MATN2: variants seen among roughly 807,000 people sequenced by gnomAD.
MATN2 encodes matrilin 2, also known as matrilin-2.
MATN2 carries 69 observed loss-of-function variants against 103.2 expected under a neutral mutation model. The ratio of observed to expected loss-of-function variants is 0.67; its 90% CI spans 0.55 to 0.82. The LOEUF (loss-of-function observed/expected upper bound fraction) is 0.82. MATN2 is among the 40% of genes least tolerant of loss of function. The pLI is 0.00. For synonymous variants in MATN2, 429 were observed against 450.2 expected (o/e 0.95, Z 0.60); for missense variants, 1,023 against 1,211.5 (o/e 0.84, Z 2.31).
Position 97,959,281 on chromosome 8 carries a change from C to T in MATN2, c.836-2127C>T, listed in dbSNP as rs941808602. On this transcript the variant is annotated intron_variant, in intron 4 of 18. Coordinates refer to ENST00000254898, the MANE Select transcript of MATN2 (RefSeq NM_002380.5). ...TTAACTCCTAGTAGGATACAAGCTG[C>T]GTGACAGCAGAAACCCCTTGTCTGT... Among the ~76,000 whole-genome samples the T allele has an allele frequency of 4.6e-5, 7 of 152,290 alleles. 1 individual carries two copies. The highest frequency in any genetic ancestry group is 2.1e-4 in the South Asian group (1 of 4,826).
At chr8:97,954,995 A>G (rs1255365822) in intron 4 of MATN2, among the ~76,000 whole-genome samples, 2 of 152,192 alleles carry the variant, frequency 1.3e-5, no homozygotes, top group African/African-American at 4.8e-5. Flanking sequence ...GGTAGGGGAA[A>G]AGGAGGTCAG....
intron 5 of MATN2, among the ~76,000 whole-genome samples, chr8:97,969,928 G>C (rs984584378): frequency 8.5e-5 from 13 of 152,318 alleles, no homozygotes; most frequent in Admixed American, 5.2e-4. Context: ...AAAGAAATTT[G>C]GTAGAAGTTA....
rs1813006370 is a variant in MATN2, at chr8:98,007,274, G to A, written c.1450+47G>A. The stretch of plus-strand genomic sequence containing the variant: ...TCATAGGGGAAGGTTTGCACCAGGA[G>A]TGAAACCTATGTGACTGCAGAGGGC... On this transcript the variant is annotated intron_variant, in intron 9 of 18. Transcript: ENST00000254898. This position sits in a 1 kb window ranked among gnomAD's most constrained non-coding sequence, Gnocchi z 4.2. 3 of 1,611,262 alleles carry A rather than the reference G, an allele frequency of 1.9e-6. No individual in the cohort carries two copies. Among genetic ancestry groups the A allele is most frequent in the African/African-American group, 1.3e-5 (1 of 75,000 alleles).
intron 3 of MATN2, among the ~76,000 whole-genome samples, chr8:97,939,841 C>T (rs150838228): frequency 7.3e-4 from 111 of 152,286 alleles, no homozygotes; most frequent in African/African-American, 2.6e-3. Context: ...AGTTTGATAT[C>T]TCTGAAACTG....
intron 4 of MATN2, among the ~76,000 whole-genome samples, chr8:97,942,461 A>G (rs1462972989): frequency 6.6e-6 from 1 of 152,232 alleles, no homozygotes; most frequent in African/African-American, 2.4e-5. Flanking sequence ...GCTAAGTGCC[A>G]AAGACTAGAC....
In MATN2 at chr8:97,946,359, A is replaced by T. The variant is rs555262376; in HGVS notation, c.835+4460A>T. Among the ~76,000 whole-genome samples the T allele has an allele frequency of 2.0e-5, 3 of 152,354 alleles. No individual in the cohort carries two copies. In the South Asian group the frequency reaches 6.2e-4, roughly 32 times the overall value. On this transcript the variant is annotated intron_variant, in intron 4 of 18. Coordinates refer to ENST00000254898, the MANE Select transcript of MATN2 (RefSeq NM_002380.5). ...TGTGTCTATATGGGCAATTTTGAAC[A>T]TACTGGACCTCAACATTGTGGATTC...
At chr8:97,994,376 T>C (rs1174554465) in intron 6 of MATN2, 104 bp from the exon 7 acceptor site, 1 of 1,256,950 alleles carries the variant, frequency 8.0e-7, no homozygotes, top group Non-Finnish European at 1.1e-6. Context: ...CTTTGAGGTG[T>C]GGGATTTTAC....
At chr8:97,912,093 C>A (rs1390307165) in intron 2 of MATN2, among the ~76,000 whole-genome samples, 1 of 152,238 alleles carries the variant, frequency 6.6e-6, no homozygotes, top group Non-Finnish European at 1.5e-5. Context: ...TGCCCCGTTA[C>A]ACTGCACGAC....
chr8:98,027,283 C>A, intron 13 of MATN2, 133 bp from the exon 14 acceptor site: 1 of 672,708 alleles, frequency 1.5e-6, no homozygotes. Flanking sequence ...ACTCATCTAT[C>A]CTGTGTATTA....
In MATN2 at chr8:98,007,628, C is replaced by T; in HGVS notation, c.1573+27C>T. The T allele has an allele frequency of 6.3e-7, 1 of 1,594,112 alleles. No individual in the cohort carries two copies. Among genetic ancestry groups the T allele is most frequent in the Non-Finnish European group, 8.6e-7 (1 of 1,164,118 alleles). On this transcript the variant is annotated intron_variant, in intron 10 of 18. Coordinates refer to ENST00000254898, the MANE Select transcript of MATN2 (RefSeq NM_002380.5). The surrounding 1 kb of genome is among the most constrained non-coding windows in gnomAD (Gnocchi z 4.2). ...TAAGTGTCTGAAGGACAAGCAGGAC[C>T]TGCACAGGTGTTCCGTGGGTGCCGG... is the stretch of plus-strand genomic sequence containing the variant.
chr8:97,991,149 C>A (rs1044415765), intron 6 of MATN2, among the ~76,000 whole-genome samples: 5 of 152,202 alleles, frequency 3.3e-5, no homozygotes, highest in African/African-American at 1.2e-4. Flanking sequence ...GATGGAAATT[C>A]TCTGTTTGCA....
intron 17 of MATN2, 60 bp from the exon 18 acceptor site, chr8:98,033,501 T>C: frequency 2.3e-6 from 2 of 865,738 alleles, no homozygotes; most frequent in Non-Finnish European, 3.6e-6. Context: ...ATTCCTATTA[T>C]TATGCGTCTG....
At chr8:97,903,480 C>T (rs768465143) in intron 2 of MATN2, among the ~76,000 whole-genome samples, 12 of 152,132 alleles carry the variant, frequency 7.9e-5, no homozygotes, top group Non-Finnish European at 1.6e-4. Flanking sequence ...TTTGTCTGCA[C>T]ATGATAGACA....
chr8:98,032,300 C>T lies in MATN2; in HGVS notation c.2564C>T (p.Thr855Met), dbSNP rs2255317. The stretch of plus-strand genomic sequence containing the variant: ...TCTCCAGCAGGGGAACTGCCAAAAA[C>T]GGTCCAACAGCCAACAGGTACAGTT... ...QDSPAGELPK[T>M]VQQPTESEPV... The change falls in exon 16 of 19, where the codon ACG becomes ATG. Residue 855 changes from threonine to methionine, a missense_variant. By Grantham distance (81) the Thr-to-Met change is moderately conservative. Coordinates refer to ENST00000254898, the MANE Select transcript of MATN2 (RefSeq NM_002380.5). 183,129 of 1,609,336 alleles carry T rather than the reference C, an allele frequency of 0.11. 11,045 individuals are homozygous for T. Among genetic ancestry groups the T allele is most frequent in the East Asian group, 0.18 (7,892 of 44,728 alleles).
chr8:98,034,190 C>G (rs575783118), intron 18 of MATN2: 5 of 454,792 alleles, frequency 1.1e-5, no homozygotes, highest in Admixed American at 9.4e-5. Flanking sequence ...TCTTCTCTAT[C>G]GGCACTCTAA....
intron 2 of MATN2, among the ~76,000 whole-genome samples, chr8:97,928,175 T>C (rs1421488659): frequency 6.6e-6 from 1 of 150,400 alleles, no homozygotes; most frequent in Non-Finnish European, 1.5e-5. Flanking sequence ...GGCTATATGC[T>C]AAACCACAGG....
At chr8:98,029,955 T>G (rs1342486844) in intron 14 of MATN2, among the ~76,000 whole-genome samples, 2 of 152,238 alleles carry the variant, frequency 1.3e-5, no homozygotes, top group African/African-American at 2.4e-5. Context: ...ATTATCCTTT[T>G]CAGCTTAGCA....
chr8:98,019,322 T>C (rs1167167813), intron 12 of MATN2, among the ~76,000 whole-genome samples: 2 of 152,102 alleles, frequency 1.3e-5, no homozygotes, highest in Non-Finnish European at 2.9e-5. Flanking sequence ...TCTAAATCTG[T>C]AGGGCAGCCT....
intron 12 of MATN2, among the ~76,000 whole-genome samples, chr8:98,019,543 T>C (rs867956537): frequency 1.3e-5 from 2 of 152,202 alleles, no homozygotes; most frequent in Admixed American, 1.3e-4. Context: ...GCTCACAGCA[T>C]CATTTAGACT....
Sources: gnomAD v4.1 joint callset for allele counts (sites outside exome capture counted in the v4.1 genomes callset) on GRCh38, gnomAD v4.1.1 for gene constraint, Gnocchi (gnomAD v3.1) non-coding constraint, MANE v1.5 for transcripts, NCBI Gene and HGNC (gene_info 2026-07-23, HGNC 2026-07-21) for gene names.